The following GNA14 variants were observed in gnomAD, a reference collection of about 807,000 sequenced individuals.
GNA14 encodes the protein G protein subunit alpha 14.
Under a neutral mutation model 42.0 loss-of-function variants are expected in GNA14, and 50 were observed. That is an observed-to-expected ratio of 1.19 (90% CI 0.95 to 1.51). The LOEUF is 1.51. Ranked by LOEUF, GNA14 falls within the 40% of genes most tolerant of loss-of-function variation. The probability of loss-of-function intolerance (pLI) is 0.00; values close to 1 mark genes in which losing one functional copy is unlikely to be tolerated. For missense variants in GNA14, 473 were observed against 446.2 expected (o/e 1.06, Z -0.54); for synonymous variants, 173 against 163.1 (o/e 1.06, Z -0.46).
Position 77,447,332 on chromosome 9 carries a change from G to A in GNA14, c.310-12810C>T, listed in dbSNP as rs145616021. Among the ~76,000 whole-genome samples, 9 of 152,228 alleles carry A rather than the reference G, an allele frequency of 5.9e-5. No homozygotes were observed. The East Asian group carries it at 1.2e-3, about 20-fold the overall frequency. On this transcript the variant is annotated intron_variant, in intron 2 of 6. Transcript: ENST00000341700. ...ACAGTGACTCTCTCTTCAAGGTCCC[G>A]TTTCTCAGACCCAAACTACAGTACT...
In GNA14 at chr9:77,464,331, ATGTGTGTGTGTGTGTGTATATGTGTG is replaced by A. The variant is rs763135288; in HGVS notation, c.310-29835_310-29810del. 4.3e-3 allele frequency among the ~76,000 whole-genome samples: 609 copies of A among 142,960 alleles called. 2 individuals are homozygous for A. The highest frequency in any genetic ancestry group is 0.014 in the Middle Eastern group (4 of 284). 93.8% of individuals were successfully genotyped at this position (142,960 alleles called of 152,430 possible). A position where few individuals can be genotyped will look rare whatever the true frequency, so the allele number is the denominator to read the frequency against. ...TGTATGTGAGAGTGTGTGTATATAT[ATGTGTGTGTGTGTGTGTATATGTGTG>A]TGTGTGTGTGTGTGTGTGTGTGTGT... On this transcript the variant is annotated intron_variant, in intron 2 of 6. Transcript: ENST00000341700.
chr9:77,620,965 C>A (rs1316959344), intron 1 of GNA14, among the ~76,000 whole-genome samples: 1 of 151,510 alleles, frequency 6.6e-6, no homozygotes, highest in African/African-American at 2.4e-5. Flanking sequence ...CAGGGTCTCA[C>A]TCCTATCACC....
At chr9:77,584,594 G>A (rs1044220833) in intron 1 of GNA14, among the ~76,000 whole-genome samples, 3 of 146,802 alleles carry the variant, frequency 2.0e-5, no homozygotes, top group Non-Finnish European at 4.5e-5. Context: ...TGATGCCAAG[G>A]GGCAGGGAGG....
At chr9:77,614,736 A>G (rs777349409) in intron 1 of GNA14, among the ~76,000 whole-genome samples, 3 of 151,796 alleles carry the variant, frequency 2.0e-5, no homozygotes, top group African/African-American at 7.3e-5. Context: ...CTTCTTCCCC[A>G]CTTCAGCTGT....
chr9:77,600,026 T>G (rs1190156621), intron 1 of GNA14, among the ~76,000 whole-genome samples: 1 of 152,216 alleles, frequency 6.6e-6, no homozygotes, highest in African/African-American at 2.4e-5. Context: ...CATTCCACAA[T>G]GCATACATAC....
At chr9:77,601,750 A>C (rs1040890714) in intron 1 of GNA14, among the ~76,000 whole-genome samples, 3 of 152,168 alleles carry the variant, frequency 2.0e-5, no homozygotes, top group Admixed American at 1.3e-4. Flanking sequence ...GGTCCCGGGC[A>C]GTGGGCAGTC....
intron 1 of GNA14, among the ~76,000 whole-genome samples, chr9:77,533,026 A>G (rs1837551259): frequency 1.3e-5 from 2 of 152,348 alleles, no homozygotes; most frequent in Admixed American, 1.3e-4. Context: ...AAAAAGTCAC[A>G]GAGTAAAAGA....
chr9:77,480,861 G>A (rs1164111018), intron 2 of GNA14, among the ~76,000 whole-genome samples: 1 of 152,110 alleles, frequency 6.6e-6, no homozygotes, highest in African/African-American at 2.4e-5. Context: ...TTCTCTGATG[G>A]TAGTTTGTAT....
Position 77,425,468 on chromosome 9 carries a change from G to A in GNA14, c.877+94C>T, listed in dbSNP as rs952851890. ...GGGAGAGGCTATTGCAGGCAGACCA[G>A]GGAGGCCCCTTTGAGCCGTGATAAC... On this transcript the variant is annotated intron_variant, in intron 6 of 6. Coordinates refer to ENST00000341700, the MANE Select transcript of GNA14 (RefSeq NM_004297.4). 1.3e-5 allele frequency: 11 copies of A among 844,456 alleles called. 1 individual carries two copies. In the Admixed American group the frequency reaches 2.5e-4, roughly 19 times the overall value. The allele number at this position is 844,456 out of a possible 1,614,324, so 52.3% of individuals were successfully genotyped here. A position where few individuals can be genotyped will look rare whatever the true frequency, so the allele number is the denominator to read the frequency against.
chr9:77,481,012 T>A (rs1180197947), intron 2 of GNA14, among the ~76,000 whole-genome samples: 1 of 152,120 alleles, frequency 6.6e-6, no homozygotes, highest in African/African-American at 2.4e-5. Flanking sequence ...CCTGGATTCA[T>A]TAATTTTTTG....
chr9:77,620,848 CAAA>C (rs35141766), intron 1 of GNA14, among the ~76,000 whole-genome samples: 1,027 of 74,018 alleles, frequency 0.014, 8 homozygotes, highest in African/African-American at 0.041. Context: ...AATCTTGTCT[CAAA>C]AAAAAAAAAA....
At chr9:77,537,931 T>C (rs2131774402) in intron 1 of GNA14, among the ~76,000 whole-genome samples, 1 of 152,322 alleles carries the variant, frequency 6.6e-6, no homozygotes, top group Middle Eastern at 3.4e-3. Flanking sequence ...ATTATTTAAG[T>C]TGTTGAGTTA....
intron 1 of GNA14, among the ~76,000 whole-genome samples, chr9:77,622,914 A>T (rs552654648): frequency 1.6e-4 from 22 of 139,450 alleles, no homozygotes; most frequent in Non-Finnish European, 1.6e-4. Context: ...AAAAAGAAAA[A>T]TTTTTTTTTC....
intron 1 of GNA14, among the ~76,000 whole-genome samples, chr9:77,644,462 AAAG>A (rs1232273005): frequency 2.8e-4 from 41 of 148,934 alleles, no homozygotes; most frequent in African/African-American, 9.2e-4. Flanking sequence ...AAAAAAAAAA[AAAG>A]ACACAGGAAT....
intron 1 of GNA14, among the ~76,000 whole-genome samples, chr9:77,640,225 A>G (rs1587857832): frequency 6.6e-6 from 1 of 152,302 alleles, no homozygotes; most frequent in Non-Finnish European, 1.5e-5. Context: ...CTCATTTATT[A>G]TTCAAATCCT....
chr9:77,487,026 A>T (rs1836672791), intron 2 of GNA14, among the ~76,000 whole-genome samples: 1 of 152,100 alleles, frequency 6.6e-6, no homozygotes, highest in African/African-American at 2.4e-5. Context: ...GTTAAAAAAA[A>T]AAAAAAGGCA....
At chr9:77,428,472 C>T (rs1037684877) in intron 5 of GNA14, among the ~76,000 whole-genome samples, 1 of 152,032 alleles carries the variant, frequency 6.6e-6, no homozygotes, top group Non-Finnish European at 1.5e-5. Context: ...ACCTTAGCAG[C>T]ACAGTGGATT....
chr9:77,529,532 T>G (rs1837496329), intron 1 of GNA14, among the ~76,000 whole-genome samples: 2 of 152,252 alleles, frequency 1.3e-5, no homozygotes, highest in South Asian at 4.1e-4. Context: ...CCTAAGCATT[T>G]GAAAGCTTTG....
At chr9:77,635,920 C>A (rs1416149140) in intron 1 of GNA14, among the ~76,000 whole-genome samples, 4 of 152,080 alleles carry the variant, frequency 2.6e-5, no homozygotes, top group African/African-American at 7.2e-5. Flanking sequence ...TAGGAAGGAA[C>A]CAATTTTTAA....
Sources: allele counts gnomAD v4.1 joint callset (sites outside exome capture counted in the v4.1 genomes callset), GRCh38; gene constraint gnomAD v4.1.1; transcripts MANE v1.5; gene names NCBI Gene and HGNC (gene_info 2026-07-23, HGNC 2026-07-21).